The following FHOD3 variants were observed in gnomAD, a reference collection of about 807,000 sequenced individuals.
The protein encoded by FHOD3 is FH1/FH2 domain-containing protein 3.
A neutral mutation model predicts 173.0 loss-of-function variants in FHOD3; 90 were observed. That is an observed-to-expected ratio of 0.52 (90% CI 0.44 to 0.62). The LOEUF is 0.62. Ranked by LOEUF, FHOD3 falls within the 20% of genes least tolerant of loss-of-function variation. FHOD3 has a pLI of 0.00. For synonymous variants in FHOD3, 828 were observed against 823.0 expected (o/e 1.01, Z -0.10); for missense variants, 1,945 against 2,034.7 (o/e 0.96, Z 0.85).
At chr18:36,752,269 A>C (rs2042434506) in intron 24 of FHOD3, among the ~76,000 whole-genome samples, 1 of 152,178 alleles carries the variant, frequency 6.6e-6, no homozygotes, top group African/African-American at 2.4e-5. Flanking sequence ...AACCATATCA[A>C]AAGCCTTCCT....
intron 6 of FHOD3, among the ~76,000 whole-genome samples, chr18:36,580,366 C>G (rs2058804214): frequency 6.6e-6 from 1 of 152,196 alleles, no homozygotes; most frequent in Non-Finnish European, 1.5e-5. Context: ...GTCTCTGGCT[C>G]CTGTGTTCTG....
Position 36,591,366 on chromosome 18 carries a change from C to T in FHOD3, c.607-3421C>T, listed in dbSNP as rs561184533. ...CTTGCCCTCATCGCAATGGTTGGGG[C>T]GGAGGCGGGGCTTGGCTTTGCTGGG... On this transcript the variant is annotated intron_variant, in intron 6 of 28. Transcript: ENST00000590592. Among the ~76,000 whole-genome samples, 17 of 152,060 alleles carry T rather than the reference C, an allele frequency of 1.1e-4. No individual in the cohort carries two copies. In the South Asian group the frequency reaches 2.9e-3, roughly 26 times the overall value.
intron 1 of FHOD3, among the ~76,000 whole-genome samples, chr18:36,323,019 C>A (rs2044481862): frequency 6.6e-6 from 1 of 152,154 alleles, no homozygotes; most frequent in Non-Finnish European, 1.5e-5. Flanking sequence ...GCCTTTGAAT[C>A]CCACAGACAC....
chr18:36,602,377 A>T (rs1180688428), intron 7 of FHOD3, among the ~76,000 whole-genome samples: 3 of 152,162 alleles, frequency 2.0e-5, no homozygotes, highest in Non-Finnish European at 2.9e-5. Context: ...TTGGATTTTT[A>T]AAAATTACAT....
chr18:36,710,262 A>C lies in FHOD3; in HGVS notation c.2533+871A>C, dbSNP rs75128481. On this transcript the variant is annotated intron_variant, in intron 18 of 28. Coordinates refer to ENST00000590592, the MANE Select transcript of FHOD3 (RefSeq NM_001281740.3). ...GACTTGTGTGCTATCAAGGTGGTAG[A>C]ATGCCTCCTTCCTCAACAAACACTC... The C allele has an allele frequency of 1.2e-3, 184 of 152,306 alleles. 1 individual carries two copies. The highest frequency in any genetic ancestry group is 4.3e-3 in the African/African-American group (179 of 41,580). The allele number at this position is 152,306 out of a possible 1,614,324, so 9.4% of individuals were successfully genotyped here.
At chr18:36,384,535 A>G (rs1471049118) in intron 3 of FHOD3, among the ~76,000 whole-genome samples, 1 of 149,236 alleles carries the variant, frequency 6.7e-6, no homozygotes, top group Admixed American at 6.8e-5. Flanking sequence ...ATGCCATTGC[A>G]CTCCAGCCTA....
chr18:36,581,510 C>G (rs905975943), intron 6 of FHOD3, among the ~76,000 whole-genome samples: 1 of 152,208 alleles, frequency 6.6e-6, no homozygotes, highest in Non-Finnish European at 1.5e-5. Context: ...CTTGCTCTGT[C>G]TAAGTTCCCA....
intron 3 of FHOD3, among the ~76,000 whole-genome samples, chr18:36,464,674 G>A (rs1258323105): frequency 6.6e-6 from 1 of 151,742 alleles, no homozygotes; most frequent in Non-Finnish European, 1.5e-5. Context: ...GAGTGCCAGA[G>A]ACACAGTCAG....
chr18:36,553,745 G>C (rs1461963130), intron 5 of FHOD3, among the ~76,000 whole-genome samples: 1 of 151,998 alleles, frequency 6.6e-6, no homozygotes, highest in Non-Finnish European at 1.5e-5. Flanking sequence ...ATCTGACAAA[G>C]GGCTAATATC....
chr18:36,509,010 T>C (rs1304027591), intron 4 of FHOD3, among the ~76,000 whole-genome samples: 1 of 152,184 alleles, frequency 6.6e-6, no homozygotes, highest in Non-Finnish European at 1.5e-5. Context: ...TGGATCTACA[T>C]GCCTCTATAT....
intron 6 of FHOD3, among the ~76,000 whole-genome samples, chr18:36,594,098 T>A (rs1304985904): frequency 6.6e-6 from 1 of 152,160 alleles, no homozygotes; most frequent in Non-Finnish European, 1.5e-5. Flanking sequence ...GTTAGAAATC[T>A]GTGGCAGCTT....
At chr18:36,325,288 A>G (rs1598718939) in intron 1 of FHOD3, among the ~76,000 whole-genome samples, 2 of 150,562 alleles carry the variant, frequency 1.3e-5, no homozygotes, top group African/African-American at 5.0e-5. Flanking sequence ...TCATTGATTT[A>G]TATAGCTTTC....
At chr18:36,633,949 A>G (rs2034691822) in intron 10 of FHOD3, among the ~76,000 whole-genome samples, 2 of 152,236 alleles carry the variant, frequency 1.3e-5, no homozygotes, top group African/African-American at 4.8e-5. Flanking sequence ...TAGCTGCAAC[A>G]CTGGAACAAG....
At chr18:36,367,317 C>A (rs2046947752) in intron 2 of FHOD3, among the ~76,000 whole-genome samples, 1 of 152,150 alleles carries the variant, frequency 6.6e-6, no homozygotes, top group Non-Finnish European at 1.5e-5. Flanking sequence ...TTGGCCTTGG[C>A]CTTGGTTGTG....
At chr18:36,574,128 G>A (rs2058560258) in intron 5 of FHOD3, among the ~76,000 whole-genome samples, 1 of 152,112 alleles carries the variant, frequency 6.6e-6, no homozygotes, top group African/African-American at 2.4e-5. Flanking sequence ...TCCCTCTGGA[G>A]AACTTGGCAC....
At chr18:36,556,196 A>G (rs1303308727) in intron 5 of FHOD3, among the ~76,000 whole-genome samples, 5 of 151,862 alleles carry the variant, frequency 3.3e-5, no homozygotes, top group Non-Finnish European at 7.4e-5. Flanking sequence ...CATTATCTTC[A>G]TGGTTGCTTT....
intron 6 of FHOD3, among the ~76,000 whole-genome samples, chr18:36,592,884 T>C (rs967854826): frequency 7.2e-5 from 11 of 152,210 alleles, no homozygotes; most frequent in African/African-American, 2.7e-4. Flanking sequence ...GGAGATTATA[T>C]GATGCCTGCT....
chr18:36,707,056 C>G (rs1600337582), intron 17 of FHOD3, among the ~76,000 whole-genome samples: 1 of 152,198 alleles, frequency 6.6e-6, no homozygotes, highest in East Asian at 1.9e-4. Flanking sequence ...TCTAAAAGGC[C>G]TGTTCACTCC....
At chr18:36,525,454 AC>A (rs1261378334) in intron 5 of FHOD3, among the ~76,000 whole-genome samples, 1 of 152,068 alleles carries the variant, frequency 6.6e-6, no homozygotes, top group African/African-American at 2.4e-5. Flanking sequence ...CCAGCAGAAG[AC>A]CCAGTCGGGC....
Sources: gnomAD v4.1 joint callset for allele counts (sites outside exome capture counted in the v4.1 genomes callset) on GRCh38, gnomAD v4.1.1 for gene constraint, MANE v1.5 for transcripts, NCBI Gene and HGNC (gene_info 2026-07-23, HGNC 2026-07-21) for gene names.